PCCA: variants seen among roughly 807,000 people sequenced by gnomAD.
PCCA encodes the protein propionyl-CoA carboxylase alpha chain, mitochondrial.
A neutral mutation model predicts 101.3 loss-of-function variants in PCCA; 74 were observed. The observed-to-expected ratio is 0.73, with a 90% confidence interval of 0.61 to 0.89. The LOEUF (loss-of-function observed/expected upper bound fraction) is 0.89, where lower values mean the gene tolerates loss of function less well. PCCA is among the 40% of genes least tolerant of loss of function. The pLI, the probability that PCCA is intolerant of heterozygous loss-of-function variation, is 0.00. For missense variants in PCCA, 891 were observed against 907.0 expected (o/e 0.98, Z 0.23); for synonymous variants, 294 against 313.6 (o/e 0.94, Z 0.66).
At chr13:100,525,373 G>A (rs958176053) in intron 22 of PCCA, among the ~76,000 whole-genome samples, 7 of 152,144 alleles carry the variant, frequency 4.6e-5, no homozygotes, top group South Asian at 4.2e-4. Flanking sequence ...TTACCTGTGC[G>A]TTACCTCTTT....
chr13:100,406,700 C>A (rs1167641651), intron 19 of PCCA, among the ~76,000 whole-genome samples: 3 of 152,194 alleles, frequency 2.0e-5, no homozygotes, highest in Non-Finnish European at 4.4e-5. Flanking sequence ...AAGAGTGAAA[C>A]TGTCTCCCCA....
At chr13:100,252,441 T>C (rs2061815386) in intron 8 of PCCA, among the ~76,000 whole-genome samples, 1 of 152,222 alleles carries the variant, frequency 6.6e-6, no homozygotes, top group Non-Finnish European at 1.5e-5. Context: ...TTATTTTTCC[T>C]TTCCCATTAG....
At chr13:100,197,403 C>T (rs554996609) in intron 6 of PCCA, among the ~76,000 whole-genome samples, 10 of 152,066 alleles carry the variant, frequency 6.6e-5, no homozygotes, top group African/African-American at 2.4e-4. Flanking sequence ...CTGTGTTGTC[C>T]AGGCTGATCT....
At chr13:100,249,462 C>T (rs749187712) in intron 8 of PCCA, among the ~76,000 whole-genome samples, 8 of 152,166 alleles carry the variant, frequency 5.3e-5, no homozygotes, top group Non-Finnish European at 8.8e-5. Context: ...CAATACCATA[C>T]TGTCTTGATG....
chr13:100,527,643 T>G, intron 22 of PCCA, 32 bp from the exon 23 acceptor site: 2 of 1,517,640 alleles, frequency 1.3e-6, no homozygotes, highest in Non-Finnish European at 1.8e-6. Context: ...ATTAGAATGC[T>G]TTTAAAACTT....
At chr13:100,191,992 A>T (rs745849636) in intron 6 of PCCA, among the ~76,000 whole-genome samples, 1 of 152,234 alleles carries the variant, frequency 6.6e-6, no homozygotes, top group Non-Finnish European at 1.5e-5. Flanking sequence ...GACAAATCTC[A>T]GGTGATCTGA....
At chr13:100,329,473 G>A (rs771712000) in intron 16 of PCCA, among the ~76,000 whole-genome samples, 1 of 152,076 alleles carries the variant, frequency 6.6e-6, no homozygotes, top group African/African-American at 2.4e-5. Context: ...AGCAGTCATC[G>A]AAGCTGATCC....
intron 19 of PCCA, among the ~76,000 whole-genome samples, chr13:100,387,119 A>G (rs2076555031): frequency 6.6e-6 from 1 of 152,160 alleles, no homozygotes; most frequent in Admixed American, 6.5e-5. Context: ...ACAAAACGCA[A>G]TCACTGAAAT....
chr13:100,263,671 T>TTGA (rs2062680051), intron 10 of PCCA, among the ~76,000 whole-genome samples: 2 of 152,136 alleles, frequency 1.3e-5, no homozygotes, highest in Non-Finnish European at 2.9e-5. Flanking sequence ...CAGTTGGATG[T>TTGA]TTTACAACAT....
chr13:100,366,669 C>T (rs1026718449), intron 18 of PCCA, among the ~76,000 whole-genome samples: 2 of 152,112 alleles, frequency 1.3e-5, no homozygotes, highest in Non-Finnish European at 2.9e-5. Flanking sequence ...CCCTCAACTC[C>T]CCTGCACCCC....
chr13:100,170,665 T>C (rs1411983679), intron 6 of PCCA, among the ~76,000 whole-genome samples: 1 of 152,260 alleles, frequency 6.6e-6, no homozygotes, highest in Non-Finnish European at 1.5e-5. Flanking sequence ...CTTTATGTGC[T>C]AGTTGATTGT....
intron 21 of PCCA, among the ~76,000 whole-genome samples, chr13:100,465,657 T>C (rs1415356126): frequency 6.6e-6 from 1 of 152,242 alleles, no homozygotes; most frequent in African/African-American, 2.4e-5. Flanking sequence ...CTATGCGTAA[T>C]AGGATGTTTA....
intron 21 of PCCA, among the ~76,000 whole-genome samples, chr13:100,495,776 A>AT (rs200636981): frequency 2.5e-4 from 38 of 152,102 alleles, no homozygotes; most frequent in Admixed American, 1.2e-3. Context: ...TCCTACACTT[A>AT]TTTTTTTCCC....
At chr13:100,171,703 C>T (rs1048083864) in intron 6 of PCCA, among the ~76,000 whole-genome samples, 1 of 152,152 alleles carries the variant, frequency 6.6e-6, no homozygotes, top group East Asian at 1.9e-4. Context: ...AGCCTGGGCA[C>T]ATAGGAAAAC....
At chr13:100,335,155 C>T (rs756510965) in intron 17 of PCCA, among the ~76,000 whole-genome samples, 14 of 152,138 alleles carry the variant, frequency 9.2e-5, no homozygotes, top group Non-Finnish European at 1.9e-4. Flanking sequence ...TCAATATAAA[C>T]AAATTTGTTT....
At chr13:100,294,499 C>G (rs2065373347) in intron 12 of PCCA, among the ~76,000 whole-genome samples, 1 of 151,818 alleles carries the variant, frequency 6.6e-6, no homozygotes, top group Admixed American at 6.6e-5. Flanking sequence ...AAACAACTTA[C>G]TAGAATATGA....
chr13:100,185,561 G>T (rs2057181597), intron 6 of PCCA, among the ~76,000 whole-genome samples: 1 of 151,988 alleles, frequency 6.6e-6, no homozygotes, highest in South Asian at 2.1e-4. Flanking sequence ...TGCCCAGGCT[G>T]GTCTTGAACT....
chr13:100,480,853 T>G (rs1171208867), intron 21 of PCCA: 1 of 152,206 alleles, frequency 6.6e-6, no homozygotes, highest in African/African-American at 2.4e-5. Flanking sequence ...AATAGAGAAC[T>G]TGAATATGCG....
At chr13:100,373,729 A>G (rs144705211) in intron 19 of PCCA, among the ~76,000 whole-genome samples, 1 of 152,362 alleles carries the variant, frequency 6.6e-6, no homozygotes, top group East Asian at 1.9e-4. Context: ...CTGTACATTT[A>G]AAAATGGTTA....
Sources: allele counts gnomAD v4.1 joint callset (sites outside exome capture counted in the v4.1 genomes callset), GRCh38; gene constraint gnomAD v4.1.1; transcripts MANE v1.5; gene names NCBI Gene and HGNC (gene_info 2026-07-23, HGNC 2026-07-21).